MYO5A: variants seen among roughly 807,000 people sequenced by gnomAD.
MYO5A encodes the protein unconventional myosin-Va.
MYO5A carries 98 observed loss-of-function variants against 249.7 expected under a neutral mutation model. That is an observed-to-expected ratio of 0.39 (90% CI 0.33 to 0.46). The LOEUF (loss-of-function observed/expected upper bound fraction) is 0.46, where lower values mean the gene tolerates loss of function less well. MYO5A is among the 20% of genes least tolerant of loss of function. MYO5A has a pLI of 0.98. For synonymous variants in MYO5A, 778 were observed against 810.6 expected, an observed-to-expected ratio of 0.96 and a Z score of 0.68; for missense variants, 1,696 against 2,308.8, an observed-to-expected ratio of 0.73 and a Z score of 5.44.
At chr15:52,409,141 T>C (rs994577488) in intron 6 of MYO5A, among the ~76,000 whole-genome samples, 3 of 152,128 alleles carry the variant, frequency 2.0e-5, no homozygotes, top group East Asian at 3.9e-4. Flanking sequence ...GTTCAGTGTC[T>C]CTAAACAAGA....
intron 1 of MYO5A, among the ~76,000 whole-genome samples, chr15:52,491,408 T>G (rs1163638365): frequency 6.6e-6 from 1 of 152,236 alleles, no homozygotes; most frequent in Non-Finnish European, 1.5e-5. Flanking sequence ...TTTGTTTTTA[T>G]AGAGTCTTTA....
chr15:52,339,784 G>A (rs1010640030), intron 32 of MYO5A, among the ~76,000 whole-genome samples: 1 of 152,164 alleles, frequency 6.6e-6, no homozygotes, highest in African/African-American at 2.4e-5. Context: ...TCTGCTAGAG[G>A]TGGAGCCTGG....
At chr15:52,442,140 C>T (rs1723718310) in intron 1 of MYO5A, among the ~76,000 whole-genome samples, 2 of 152,142 alleles carry the variant, frequency 1.3e-5, no homozygotes, top group Admixed American at 1.3e-4. Flanking sequence ...CTCTTCCCTT[C>T]ATGTTCATGT....
At chr15:52,435,371 G>T (rs1486662639) in intron 1 of MYO5A, among the ~76,000 whole-genome samples, 1 of 149,678 alleles carries the variant, frequency 6.7e-6, no homozygotes, top group African/African-American at 2.5e-5. Context: ...CCGCCTCCTG[G>T]GTTCAAGTGA....
intron 1 of MYO5A, among the ~76,000 whole-genome samples, chr15:52,459,295 C>CA (rs2076188213): frequency 6.6e-6 from 1 of 151,688 alleles, no homozygotes; most frequent in Non-Finnish European, 1.5e-5. Flanking sequence ...TTTTCCTAGG[C>CA]AGAGGGCCCT....
chr15:52,397,523 C>T (rs545850528), intron 9 of MYO5A, 57 bp from the exon 10 acceptor site: 39 of 1,581,758 alleles, frequency 2.5e-5, no homozygotes, highest in East Asian at 6.7e-5. Flanking sequence ...AAGAATCTCT[C>T]GGAAAATGTT....
At chr15:52,434,830 G>C (rs1162122158) in intron 1 of MYO5A, among the ~76,000 whole-genome samples, 1 of 151,246 alleles carries the variant, frequency 6.6e-6, no homozygotes, top group East Asian at 1.9e-4. Flanking sequence ...CAGCCAGCAA[G>C]GGAAAGACAT....
At chr15:52,343,047 G>A (rs938896222) in intron 31 of MYO5A, 70 bp downstream of exon 31, 4 of 1,254,510 alleles carry the variant, frequency 3.2e-6, no homozygotes, top group Non-Finnish European at 4.7e-6. Flanking sequence ...AGGGGTGAAA[G>A]TCAGGAGGTC....
chr15:52,522,956 T>A (rs900653938), intron 1 of MYO5A, among the ~76,000 whole-genome samples: 1 of 152,156 alleles, frequency 6.6e-6, no homozygotes, highest in African/African-American at 2.4e-5. Context: ...CACAAAACTT[T>A]CACACTTCAA....
At position 52,410,565 on chromosome 15, in the gene MYO5A, T is replaced by C. The variant is rs2043203555; in HGVS notation, c.613-89A>G. The C allele has an allele frequency of 4.7e-6, 6 of 1,269,200 alleles. No individual in the cohort carries two copies. In the South Asian group the frequency reaches 7.2e-5, roughly 15 times the overall value. The allele number at this position is 1,269,200 out of a possible 1,614,324, so 78.6% of individuals were successfully genotyped here. A position where few individuals can be genotyped will look rare whatever the true frequency, so the allele number is the denominator to read the frequency against. On this transcript the variant is annotated intron_variant, in intron 5 of 41. Coordinates refer to ENST00000399233, the MANE Select transcript of MYO5A (RefSeq NM_001382347.1). ...CTGCTCAGAGAGAGAAAAGATGGAG[T>C]AGAACACAGGTCCTTAAAATTGATT...
chr15:52,443,046 T>C (rs1048385032), intron 1 of MYO5A, among the ~76,000 whole-genome samples: 2 of 152,214 alleles, frequency 1.3e-5, no homozygotes, highest in Non-Finnish European at 2.9e-5. Context: ...CCACCGTGCC[T>C]GGCCAAAACA....
intron 1 of MYO5A, among the ~76,000 whole-genome samples, chr15:52,453,079 T>A (rs976653973): frequency 1.3e-5 from 2 of 152,100 alleles, no homozygotes; most frequent in African/African-American, 4.8e-5. Flanking sequence ...AGGAAGGTCA[T>A]AGAATACCAC....
At chr15:52,405,680 C>T (rs994370818) in intron 8 of MYO5A, among the ~76,000 whole-genome samples, 2 of 152,158 alleles carry the variant, frequency 1.3e-5, no homozygotes, top group East Asian at 3.8e-4. Context: ...GTATTCTATG[C>T]TTCCATTTTC....
chr15:52,436,842 T>C (rs1182467738), intron 1 of MYO5A, among the ~76,000 whole-genome samples: 1 of 152,198 alleles, frequency 6.6e-6, no homozygotes, highest in Admixed American at 6.5e-5. Context: ...AAACTTTTAA[T>C]CTAAACAGTT....
chr15:52,497,584 C>T (rs993522065), intron 1 of MYO5A, among the ~76,000 whole-genome samples: 18 of 151,034 alleles, frequency 1.2e-4, no homozygotes, highest in African/African-American at 4.4e-4. Flanking sequence ...TGATGAAACA[C>T]TGTCTCTACT....
intron 40 of MYO5A, among the ~76,000 whole-genome samples, chr15:52,314,485 G>A (rs565768214): frequency 1.1e-3 from 172 of 152,296 alleles, no homozygotes; most frequent in African/African-American, 4.0e-3. Flanking sequence ...ATAAATGTCC[G>A]CACTTCCATC....
At chr15:52,353,486 C>G in intron 27 of MYO5A, 119 bp downstream of exon 27, 1 of 837,332 alleles carries the variant, frequency 1.2e-6, no homozygotes, top group South Asian at 1.4e-5. Context: ...AAGGCTGAAG[C>G]TAGGACCTCT....
At chr15:52,433,410 TCAC>T in intron 1 of MYO5A, 125 bp from the exon 2 acceptor site, 1 of 416,932 alleles carries the variant, frequency 2.4e-6, no homozygotes, top group Admixed American at 3.8e-5. Flanking sequence ...AACATGAAAT[TCAC>T]TTTTTTTTTT....
chr15:52,374,073 G>C (rs1054515597), intron 20 of MYO5A, among the ~76,000 whole-genome samples: 2 of 152,046 alleles, frequency 1.3e-5, no homozygotes, highest in African/African-American at 4.8e-5. Context: ...TGTCCATAGA[G>C]CTCTAATATC....
Sources: allele counts gnomAD v4.1 joint callset (sites outside exome capture counted in the v4.1 genomes callset), GRCh38; gene constraint gnomAD v4.1.1; transcripts MANE v1.5; gene names NCBI Gene and HGNC (gene_info 2026-07-23, HGNC 2026-07-21).